DLGAP1: variants seen among roughly 807,000 people sequenced by gnomAD.
DLGAP1 encodes the protein disks large-associated protein 1.
In DLGAP1, 11 loss-of-function variants were observed where a neutral mutation model predicts 90.8. The observed-to-expected ratio is 0.12, with a 90% confidence interval of 0.08 to 0.20. The LOEUF (loss-of-function observed/expected upper bound fraction) is 0.20, where lower values mean the gene tolerates loss of function less well. DLGAP1 is among the 10% of genes least tolerant of loss of function. The pLI is 1.00. For synonymous variants in DLGAP1, 558 were observed against 540.7 expected, an observed-to-expected ratio of 1.03 and a Z score of -0.44; for missense variants, 1,050 against 1,333.8, an observed-to-expected ratio of 0.79 and a Z score of 3.31.
chr18:3,761,578 C>CTTT (rs540575856), intron 5 of DLGAP1, among the ~76,000 whole-genome samples: 2 of 135,354 alleles, frequency 1.5e-5, no homozygotes, highest in Non-Finnish European at 3.2e-5. Flanking sequence ...TTCTTTCTTT[C>CTTT]TTTTTTTTTT....
intron 1 of DLGAP1, among the ~76,000 whole-genome samples, chr18:4,309,040 C>T (rs201002275): frequency 6.6e-5 from 10 of 152,150 alleles, no homozygotes; most frequent in East Asian, 3.8e-4. Flanking sequence ...AATAAAATAA[C>T]GCCTATAGAA....
At chr18:3,551,875 C>G (rs1451863674) in intron 9 of DLGAP1, among the ~76,000 whole-genome samples, 1 of 150,610 alleles carries the variant, frequency 6.6e-6, no homozygotes, top group South Asian at 2.1e-4. Flanking sequence ...GCCTCCTAGG[C>G]TCAAGGGATC....
chr18:3,525,668 G>C (rs752572143), intron 10 of DLGAP1, among the ~76,000 whole-genome samples: 2 of 152,168 alleles, frequency 1.3e-5, no homozygotes, highest in Non-Finnish European at 2.9e-5. Context: ...CAAAGTGCTG[G>C]GATTATAGGC....
At chr18:3,596,796 A>G (rs1337657735) in intron 7 of DLGAP1, 3 of 518,074 alleles carry the variant, frequency 5.8e-6, no homozygotes, top group African/African-American at 1.9e-5. Flanking sequence ...AGTAAAGTGG[A>G]CACCTCAGCA....
intron 2 of DLGAP1, among the ~76,000 whole-genome samples, chr18:4,093,690 A>ACTC (rs1484697002): frequency 6.6e-6 from 1 of 152,138 alleles, no homozygotes; most frequent in Non-Finnish European, 1.5e-5. Flanking sequence ...TGTGTCTGTT[A>ACTC]CTCACTGAAT....
intron 3 of DLGAP1, among the ~76,000 whole-genome samples, chr18:3,946,650 T>C (rs1305942017): frequency 2.0e-5 from 3 of 152,136 alleles, no homozygotes; most frequent in Non-Finnish European, 2.9e-5. Context: ...GTATTCCCTC[T>C]GTGAAAAAAA....
rs996765119 is a variant in DLGAP1 at position 4,400,609 on chromosome 18, G to T, written c.-267+54397C>A. Among the ~76,000 whole-genome samples, 17 of 152,194 alleles carry T rather than the reference G, an allele frequency of 1.1e-4. 1 individual carries two copies. The South Asian group carries it at 2.3e-3, about 21-fold the overall frequency. On this transcript the variant is annotated intron_variant, in intron 1 of 12. Coordinates refer to ENST00000315677, the MANE Select transcript of DLGAP1 (RefSeq NM_004746.4). ...TGTTCTTTGTGGGGCTCTCGGGGGA[G>T]CAACTGGTAGACACAGCAGCTGAAA...
At chr18:4,424,978 C>T (rs1030969844) in intron 1 of DLGAP1, among the ~76,000 whole-genome samples, 12 of 149,080 alleles carry the variant, frequency 8.0e-5, no homozygotes, top group South Asian at 6.3e-4. Context: ...TCCATTTACT[C>T]CAACACATAT....
intron 1 of DLGAP1, among the ~76,000 whole-genome samples, chr18:4,153,517 CT>C (rs2076707925): frequency 6.6e-6 from 1 of 152,154 alleles, no homozygotes; most frequent in Admixed American, 6.6e-5. Flanking sequence ...CTCTTTTTAA[CT>C]TTTTTCTTCC....
intron 1 of DLGAP1, among the ~76,000 whole-genome samples, chr18:4,307,227 A>C (rs931931146): frequency 6.6e-6 from 1 of 152,178 alleles, no homozygotes; most frequent in Non-Finnish European, 1.5e-5. Flanking sequence ...AATAGAATTG[A>C]AAGTCTTAGC....
At chr18:4,210,270 G>A (rs960075218) in intron 1 of DLGAP1, among the ~76,000 whole-genome samples, 7 of 152,152 alleles carry the variant, frequency 4.6e-5, no homozygotes, top group Admixed American at 4.6e-4. Context: ...GTCATTAAAA[G>A]GTGTTGTGTA....
chr18:3,690,185 T>C (rs960805054), intron 7 of DLGAP1, among the ~76,000 whole-genome samples: 1 of 150,730 alleles, frequency 6.6e-6, no homozygotes, highest in Non-Finnish European at 1.5e-5. Context: ...CTCCTGGGCT[T>C]AAGTGATCCT....
At chr18:3,817,269 T>TTTGTA (rs2067154036) in intron 4 of DLGAP1, among the ~76,000 whole-genome samples, 3 of 152,206 alleles carry the variant, frequency 2.0e-5, no homozygotes, top group African/African-American at 7.2e-5. Context: ...TTTGTTCAGA[T>TTTGTA]ATTTTTTTCA....
At chr18:3,665,208 A>C (rs1031973276) in intron 7 of DLGAP1, among the ~76,000 whole-genome samples, 2 of 152,214 alleles carry the variant, frequency 1.3e-5, no homozygotes, top group African/African-American at 4.8e-5. Context: ...CAAACTGTTT[A>C]AAATGTTTCT....
At chr18:4,444,908 G>C (rs2144859469) in intron 1 of DLGAP1, among the ~76,000 whole-genome samples, 2 of 152,262 alleles carry the variant, frequency 1.3e-5, no homozygotes, top group African/African-American at 4.8e-5. Flanking sequence ...ACTGGACTCA[G>C]TAAAATTAAT....
At chr18:3,812,459 A>G (rs767637257) in intron 5 of DLGAP1, among the ~76,000 whole-genome samples, 1 of 151,490 alleles carries the variant, frequency 6.6e-6, no homozygotes, top group Non-Finnish European at 1.5e-5. Context: ...AACTCCTACT[A>G]TCGGTGAATG....
chr18:4,147,571 TTCCATCCA>T (rs140010625), intron 2 of DLGAP1, among the ~76,000 whole-genome samples: 23,473 of 147,700 alleles, frequency 0.16, 2,020 homozygotes, highest in African/African-American at 0.21. Flanking sequence ...TCATCCATTC[TTCCATCCA>T]TCCATCCATC....
chr18:4,203,419 A>G (rs1264076035), intron 1 of DLGAP1, among the ~76,000 whole-genome samples: 2 of 152,224 alleles, frequency 1.3e-5, no homozygotes, highest in East Asian at 3.8e-4. Context: ...TATTTTAAGA[A>G]CGGGTAGAAT....
chr18:4,270,157 T>G (rs1000188087), intron 1 of DLGAP1, among the ~76,000 whole-genome samples: 7 of 152,238 alleles, frequency 4.6e-5, no homozygotes, highest in African/African-American at 1.7e-4. Flanking sequence ...GTAGATGAGA[T>G]GCACTACTGC....
Sources: gnomAD v4.1 joint callset for allele counts (sites outside exome capture counted in the v4.1 genomes callset) on GRCh38, gnomAD v4.1.1 for gene constraint, MANE v1.5 for transcripts, NCBI Gene and HGNC (gene_info 2026-07-23, HGNC 2026-07-21) for gene names.